The following TRUB1 variants were observed in gnomAD, a reference collection of about 807,000 sequenced individuals.
TRUB1 encodes TruB pseudouridine synthase family member 1.
Under a neutral mutation model 33.9 loss-of-function variants are expected in TRUB1, and 23 were observed. The ratio of observed to expected loss-of-function variants is 0.68; its 90% CI spans 0.49 to 0.96. The LOEUF is 0.96. TRUB1 is among the 40% of genes least tolerant of loss of function. TRUB1 has a pLI of 0.00. For synonymous variants in TRUB1, 163 were observed against 165.4 expected (o/e 0.99, Z 0.11); for missense variants, 378 against 422.2 (o/e 0.90, Z 0.92).
chr10:114,963,966 CGTGTGTGT>C (rs35359334), intron 4 of TRUB1, among the ~76,000 whole-genome samples: 4 of 148,904 alleles, frequency 2.7e-5, no homozygotes, highest in South Asian at 2.1e-4. Context: ...GAATATAGGT[CGTGTGTGT>C]GTGTGTGTGT....
chr10:114,940,217 G>A (rs946481273), intron 1 of TRUB1, among the ~76,000 whole-genome samples: 2 of 152,180 alleles, frequency 1.3e-5, no homozygotes, highest in Admixed American at 1.3e-4. Context: ...CCCCTCCTGG[G>A]TTCAAGTGAT....
chr10:114,942,530 G>T, intron 1 of TRUB1, 115 bp from the exon 2 acceptor site: 3 of 664,462 alleles, frequency 4.5e-6, no homozygotes, highest in Non-Finnish European at 8.0e-6. Flanking sequence ...TGTAAAGTTT[G>T]TATAATACTT....
chr10:114,956,233 G>A (rs1375345031), intron 3 of TRUB1, among the ~76,000 whole-genome samples: 9 of 152,144 alleles, frequency 5.9e-5, no homozygotes, highest in Admixed American at 5.9e-4. Context: ...ATGTTCTTCA[G>A]GACCTCTCTT....
In TRUB1 at chr10:114,942,891, T is replaced by A. The variant is rs916966949; in HGVS notation, c.385+148T>A. The stretch of plus-strand genomic sequence containing the variant: ...CTACTGGATATATATAGTGCCATCT[T>A]TTAAAGAAGCCCTTAAATGGTACAA... On this transcript the variant is annotated intron_variant, in intron 2 of 7. Transcript: ENST00000298746. The A allele has an allele frequency of 5.2e-6, 3 of 573,724 alleles. No individual in the cohort carries two copies. In the African/African-American group the frequency reaches 5.6e-5, roughly 11 times the overall value. 35.5% of individuals were successfully genotyped at this position (573,724 alleles called of 1,614,324 possible).
At chr10:114,962,841 A>T (rs775135875) in intron 4 of TRUB1, among the ~76,000 whole-genome samples, 4 of 152,214 alleles carry the variant, frequency 2.6e-5, no homozygotes, top group Non-Finnish European at 5.9e-5. Flanking sequence ...GACATATATG[A>T]CATATAGAGT....
chr10:114,942,329 T>G (rs1163468258), intron 1 of TRUB1, among the ~76,000 whole-genome samples: 2 of 152,206 alleles, frequency 1.3e-5, no homozygotes, highest in Admixed American at 1.3e-4. Context: ...AGCCCACCAC[T>G]ACCAAGAATT....
chr10:114,950,517 T>C (rs1023960640), intron 2 of TRUB1, among the ~76,000 whole-genome samples: 3 of 152,248 alleles, frequency 2.0e-5, no homozygotes, highest in South Asian at 2.1e-4. Context: ...TGTTTGAAAT[T>C]TAAGAGAAAG....
chr10:114,965,973 A>G (rs986805106), intron 4 of TRUB1, among the ~76,000 whole-genome samples: 2 of 152,094 alleles, frequency 1.3e-5, no homozygotes, highest in South Asian at 2.1e-4. Context: ...CATTACTGCA[A>G]TTCAGTTTGA....
At chr10:114,959,607 T>A (rs2084276593) in intron 3 of TRUB1, 119 bp from the exon 4 acceptor site, 1 of 694,482 alleles carries the variant, frequency 1.4e-6, no homozygotes, top group Non-Finnish European at 2.6e-6. Flanking sequence ...TCTGTTGTTT[T>A]AGCCTGTATT....
chr10:114,961,160 G>C (rs1451356569), intron 4 of TRUB1, among the ~76,000 whole-genome samples: 1 of 152,028 alleles, frequency 6.6e-6, no homozygotes, highest in East Asian at 1.9e-4. Flanking sequence ...CAACCTCATA[G>C]TGTGATTATG....
chr10:114,975,024 G>T, intron 7 of TRUB1, 99 bp from the exon 8 acceptor site: 1 of 1,413,570 alleles, frequency 7.1e-7, no homozygotes, highest in South Asian at 1.5e-5. Flanking sequence ...GGGTGGTTTT[G>T]AGAGATTTCA....
At chr10:114,964,733 C>T (rs566875488) in intron 4 of TRUB1, among the ~76,000 whole-genome samples, 1 of 152,226 alleles carries the variant, frequency 6.6e-6, no homozygotes, top group South Asian at 2.1e-4. Flanking sequence ...TCCCAGTACT[C>T]TTGTGTTCTC....
At chr10:114,953,688 T>A (rs943077910) in intron 3 of TRUB1, among the ~76,000 whole-genome samples, 1 of 152,316 alleles carries the variant, frequency 6.6e-6, no homozygotes, top group Admixed American at 6.5e-5. Context: ...GGGTAATTTA[T>A]AAAGAAAAGA....
chr10:114,959,552 G>A, intron 3 of TRUB1, among the ~76,000 whole-genome samples, 174 bp from the exon 4 acceptor site: 1 of 152,148 alleles, frequency 6.6e-6, no homozygotes, highest in East Asian at 1.9e-4. Context: ...ATGTTCTTCA[G>A]TTTACACAAT....
At chr10:114,970,823 C>T (rs1228428248) in intron 5 of TRUB1, among the ~76,000 whole-genome samples, 1 of 152,210 alleles carries the variant, frequency 6.6e-6, no homozygotes, top group Non-Finnish European at 1.5e-5. Flanking sequence ...TCCTAATGTG[C>T]ACTGCATGTC....
At chr10:114,968,637 C>T (rs932988026) in intron 4 of TRUB1, among the ~76,000 whole-genome samples, 1 of 152,122 alleles carries the variant, frequency 6.6e-6, no homozygotes, top group South Asian at 2.1e-4. Context: ...TGAGGTCTGC[C>T]TTGTTGGAGC....
chr10:114,972,062 C>G (rs2084339067), intron 5 of TRUB1, 73 bp from the exon 6 acceptor site: 3 of 1,535,088 alleles, frequency 2.0e-6, no homozygotes, highest in Non-Finnish European at 2.7e-6. Context: ...AAATTATCAT[C>G]TCCCAATCCT....
intron 3 of TRUB1, among the ~76,000 whole-genome samples, chr10:114,958,385 A>T (rs1412701921): frequency 2.0e-5 from 3 of 152,340 alleles, no homozygotes; most frequent in East Asian, 1.9e-4. Context: ...ATTTATTTTT[A>T]AAAAATCTGA....
Position 114,938,229 on chromosome 10 carries a change from T to C in TRUB1, c.-25T>C. 2 of 1,607,550 alleles carry C rather than the reference T, an allele frequency of 1.2e-6. No homozygotes were observed. The highest frequency in any genetic ancestry group is 1.7e-6 in the Non-Finnish European group (2 of 1,178,310). On this transcript the variant is annotated 5_prime_UTR_variant, in exon 1 of 8. An upstream start codon of the reference 5' UTR is lost. Transcript: ENST00000298746. ...GCATCATCAGCGTGCACCTCCACGA[T>C]GAAACAGGTCTGGGCTACAAAAGTA...
Sources: gnomAD v4.1 joint callset for allele counts (sites outside exome capture counted in the v4.1 genomes callset) on GRCh38, gnomAD v4.1.1 for gene constraint, MANE v1.5 for transcripts, NCBI Gene and HGNC (gene_info 2026-07-23, HGNC 2026-07-21) for gene names.